The following LRRC56 variants were observed in gnomAD, a reference collection of about 807,000 sequenced individuals.
LRRC56 encodes the protein leucine rich repeat containing 56.
In LRRC56, 41 loss-of-function variants were observed where a neutral mutation model predicts 47.8. That is an observed-to-expected ratio of 0.86 (90% CI 0.67 to 1.11). The LOEUF (loss-of-function observed/expected upper bound fraction) is 1.11, where lower values mean the gene tolerates loss of function less well. LRRC56 is among the 50% of genes most tolerant of loss of function. The probability of loss-of-function intolerance (pLI) is 0.00; values close to 1 mark genes in which losing one functional copy is unlikely to be tolerated. For missense variants in LRRC56, 759 were observed against 704.2 expected (o/e 1.08, Z -0.88); for synonymous variants, 387 against 311.2 (o/e 1.24, Z -2.56).
the LRRC56 span, among the ~76,000 whole-genome samples, chr11:531,910 G>C: frequency 1.3e-5 from 2 of 152,170 alleles, no homozygotes; most frequent in Non-Finnish European, 2.9e-5. Flanking sequence ...CGCCAAGAAG[G>C]CTCCCAGCAG....
In LRRC56 at chr11:549,887, C is replaced by A; in HGVS notation, c.327-15C>A. The A allele has an allele frequency of 6.2e-7, 1 of 1,610,794 alleles. No individual in the cohort carries two copies. Among genetic ancestry groups the A allele is most frequent in the Non-Finnish European group, 8.5e-7 (1 of 1,178,184 alleles). ...GGCTGGGCACATGTTGACCACCAAA[C>A]CCTGCCTTCTGCAGGGACTTGGGCA... On this transcript the variant is annotated splice_polypyrimidine_tract_variant and intron_variant, in intron 6 of 13. Transcript: ENST00000270115.
the LRRC56 span, among the ~76,000 whole-genome samples, chr11:514,519 C>T: frequency 3.3e-5 from 5 of 152,088 alleles, 1 homozygote; most frequent in South Asian, 1.0e-3. Flanking sequence ...TGAGCTCATG[C>T]AATCTGCCCA....
intron 6 of LRRC56, among the ~76,000 whole-genome samples, chr11:548,731 G>T (rs955956704): frequency 6.6e-6 from 1 of 152,124 alleles, no homozygotes; most frequent in African/African-American, 2.4e-5. Flanking sequence ...GTGCTGGGAT[G>T]ACAGGCGTGA....
At chr11:542,709 C>A (rs1018924103) in intron 5 of LRRC56, among the ~76,000 whole-genome samples, 2 of 151,248 alleles carry the variant, frequency 1.3e-5, no homozygotes, top group African/African-American at 4.9e-5. Flanking sequence ...GGCCACTGTT[C>A]TTTTTCCTGA....
the LRRC56 span, among the ~76,000 whole-genome samples, chr11:510,594 C>G: frequency 6.6e-6 from 1 of 152,098 alleles, no homozygotes; most frequent in Non-Finnish European, 1.5e-5. Context: ...AAAAATTAGC[C>G]AGGCATGGTG....
At chr11:535,452 GGGCCGA>G (rs1049601890), upstream of LRRC56, 11 of 122,716 alleles carry the variant, frequency 9.0e-5, no homozygotes, top group African/African-American at 2.6e-4. Context: ...GCCAGGGCCG[GGGCCGA>G]GGCCGGGGCG....
At chr11:529,478 G>C in the LRRC56 span, 1 of 152,298 alleles carries the variant, frequency 6.6e-6, no homozygotes, top group Non-Finnish European at 1.5e-5. Flanking sequence ...GGAGCCCTCT[G>C]TTCTCCAGCA....
At chr11:533,181 G>T, upstream of LRRC56, 1 of 1,154,128 alleles carries the variant, frequency 8.7e-7, no homozygotes, top group Non-Finnish European at 1.2e-6. Context: ...AAGGACCTCC[G>T]CCTTCCCCGG....
rs941734175 is a variant in LRRC56, at chr11:544,428, G to T, written c.266-292G>T. Among the ~76,000 whole-genome samples, 10 of 152,218 alleles carry T rather than the reference G, an allele frequency of 6.6e-5. 1 individual carries two copies. The highest frequency in any genetic ancestry group is 1.3e-4 in the Non-Finnish European group (9 of 68,048). On this transcript the variant is annotated intron_variant, in intron 5 of 13. Coordinates refer to ENST00000270115, the MANE Select transcript of LRRC56 (RefSeq NM_198075.4). ...CTCCATGCTGTGCTGCATTCAGGCTGGCTACAGACGAGGGGCGCGGAGCCG... is the reference window on the plus strand; with the variant it reads ...CTCCATGCTGTGCTGCATTCAGGCTTGCTACAGACGAGGGGCGCGGAGCCG...
At chr11:525,302 G>C in the LRRC56 span, among the ~76,000 whole-genome samples, 1 of 151,724 alleles carries the variant, frequency 6.6e-6, no homozygotes, top group Non-Finnish European at 1.5e-5. Flanking sequence ...CACTTTGGGA[G>C]GCCAAGGCGG....
chr11:518,835 C>T, the LRRC56 span, among the ~76,000 whole-genome samples: 1 of 152,006 alleles, frequency 6.6e-6, no homozygotes, highest in African/African-American at 2.4e-5. Context: ...GAGGAAGGAG[C>T]CGCCCCGAAC....
At chr11:508,824 A>G in the LRRC56 span, among the ~76,000 whole-genome samples, 4 of 151,626 alleles carry the variant, frequency 2.6e-5, no homozygotes, top group Admixed American at 6.6e-5. Context: ...CAGGCAGATC[A>G]CCTGAGGTCA....
At chr11:512,552 C>T in the LRRC56 span, among the ~76,000 whole-genome samples, 1 of 152,080 alleles carries the variant, frequency 6.6e-6, no homozygotes, top group South Asian at 2.1e-4. Context: ...TTGATCCATA[C>T]GTTTGCGTTT....
chr11:550,830 A>G (rs1005382232), intron 8 of LRRC56, among the ~76,000 whole-genome samples: 3 of 152,070 alleles, frequency 2.0e-5, no homozygotes, highest in Non-Finnish European at 4.4e-5. Flanking sequence ...CCCAGTAGCT[A>G]CTGCTCCGTG....
chr11:513,820 C>CA, the LRRC56 span, among the ~76,000 whole-genome samples: 4,757 of 96,150 alleles, frequency 0.049, 106 homozygotes, highest in African/African-American at 0.068. Flanking sequence ...AACTCCATCT[C>CA]AAAAAAAAAA....
rs1056311315 is a variant in LRRC56 at position 540,809 on chromosome 11, G to A, written c.125G>A (p.Arg42Lys). ...CAGAGCAAGGGCCCTGGCAGTCAGA[G>A]GGACAGACTTGGAGAGCAGCTGGTG... The part of the protein sequence containing the change: ...CPQSKGPGSQ[R>K]DRLGEQLVEE... The change falls in exon 4 of 14, where the codon AGG becomes AAG. Residue 42 changes from arginine to lysine, a missense_variant. Physicochemically the swap from Arg to Lys is conservative, Grantham distance 26 (BLOSUM62 2). Coordinates refer to ENST00000270115, the MANE Select transcript of LRRC56 (RefSeq NM_198075.4). 1.9e-6 allele frequency: 3 copies of A among 1,600,706 alleles called. No homozygotes were observed. Among genetic ancestry groups the A allele is most frequent in the Admixed American group, 1.7e-5 (1 of 57,732 alleles).
the LRRC56 span, among the ~76,000 whole-genome samples, chr11:518,046 C>T: frequency 6.6e-6 from 1 of 152,200 alleles, no homozygotes; most frequent in African/African-American, 2.4e-5. Flanking sequence ...CCGCAGGGAC[C>T]TCTGCCTAGG....
chr11:535,208 C>G (rs937979485), upstream of LRRC56: 1 of 150,658 alleles, frequency 6.6e-6, no homozygotes, highest in African/African-American at 2.4e-5. Context: ...CCCGCAGGCC[C>G]CAGGGAGGAA....
chr11:522,435 T>A, the LRRC56 span, among the ~76,000 whole-genome samples: 1 of 152,070 alleles, frequency 6.6e-6, no homozygotes, highest in Non-Finnish European at 1.5e-5. Flanking sequence ...CTGGCTAATT[T>A]TTTGTATTTT....
Sources: allele counts gnomAD v4.1 joint callset (sites outside exome capture counted in the v4.1 genomes callset), GRCh38; gene constraint gnomAD v4.1.1; transcripts MANE v1.5; gene names NCBI Gene and HGNC (gene_info 2026-07-23, HGNC 2026-07-21).